The following ZC3H7B variants were observed in gnomAD, a reference collection of about 807,000 sequenced individuals.
The protein encoded by ZC3H7B is zinc finger CCCH-type containing 7B.
Under a neutral mutation model 116.0 loss-of-function variants are expected in ZC3H7B, and 35 were observed. That is an observed-to-expected ratio of 0.30 (90% confidence interval 0.23 to 0.40). The LOEUF is 0.40. ZC3H7B is among the 10% of genes least tolerant of loss of function. The pLI is 1.00. For synonymous variants in ZC3H7B, 502 were observed against 545.6 expected (o/e 0.92, Z 1.11); for missense variants, 1,011 against 1,321.5 (o/e 0.77, Z 3.64).
At chr22:41,311,657 G>A (rs1384181987) in intron 1 of ZC3H7B, among the ~76,000 whole-genome samples, 1 of 152,078 alleles carries the variant, frequency 6.6e-6, no homozygotes, top group African/African-American at 2.4e-5. Flanking sequence ...ACTGGGGAAG[G>A]GGGTGGGCCT....
chr22:41,312,300 CTACAAAAAA>C (rs2036129182), intron 1 of ZC3H7B, among the ~76,000 whole-genome samples: 1 of 151,820 alleles, frequency 6.6e-6, no homozygotes, highest in Non-Finnish European at 1.5e-5. Context: ...TACCCTGTCT[CTACAAAAAA>C]TACAAAAAAT....
chr22:41,325,771 G>T lies in ZC3H7B; in HGVS notation c.138G>T (p.Leu46=), dbSNP rs749052112. ...VQNLFAEGND[L]FREKDYKQAL... is the part of the protein sequence containing the mutation. ...ATCTGTTTGCTGAGGGCAATGATCT[G>T]TTCCGGGAGAAGGACTATAAGCAGG... Residue 46 remains leucine (L), a synonymous_variant, in exon 4 of 23, where the codon CTG becomes CTT. Coordinates refer to ENST00000352645, the MANE Select transcript of ZC3H7B (RefSeq NM_017590.6). 2.5e-5 allele frequency: 40 copies of T among 1,613,882 alleles called. No homozygotes were observed. The highest frequency in any genetic ancestry group is 3.3e-5 in the Non-Finnish European group (39 of 1,180,024).
chr22:41,309,467 C>G (rs1238950396), intron 1 of ZC3H7B, among the ~76,000 whole-genome samples: 3 of 151,934 alleles, frequency 2.0e-5, no homozygotes, highest in African/African-American at 7.3e-5. Flanking sequence ...GTGCCCACCA[C>G]TAGGCCCGGC....
Position 41,309,008 on chromosome 22 carries a change from C to CTTTTTTTTTTTTTTTT in ZC3H7B, c.-7+7242_-7+7257dup, listed in dbSNP as rs57147100. ...GGGCCTTCCCTAAACTCCCAGTCTG[C>CTTTTTTTTTTTTTTTT]TTTTTTTTTTTTTTTTTTTTTGAGA... is the stretch of plus-strand genomic sequence containing the variant. On this transcript the variant is annotated intron_variant, in intron 1 of 22. Coordinates refer to ENST00000352645, the MANE Select transcript of ZC3H7B (RefSeq NM_017590.6). Among the ~76,000 whole-genome samples, 20 of 103,286 alleles carry CTTTTTTTTTTTTTTTT rather than the reference C, an allele frequency of 1.9e-4. 1 individual carries two copies. The highest frequency in any genetic ancestry group is 2.5e-4 in the Non-Finnish European group (13 of 51,568). 67.8% of individuals were successfully genotyped at this position (103,286 alleles called of 152,430 possible). A position where few individuals can be genotyped will look rare whatever the true frequency, so the allele number is the denominator to read the frequency against.
At chr22:41,343,242 G>T (rs1040060905) in intron 12 of ZC3H7B, among the ~76,000 whole-genome samples, 173 bp from the exon 13 acceptor site, 1 of 152,162 alleles carries the variant, frequency 6.6e-6, no homozygotes, top group Non-Finnish European at 1.5e-5. Flanking sequence ...ACAGTCCCCC[G>T]GTCTCCAGGG....
rs761971291 is a variant in ZC3H7B at position 41,355,571 on chromosome 22, C to T, written c.2137C>T (p.Leu713Phe). The change falls in exon 18 of 23, where the codon CTC becomes TTC. Residue 713 changes from leucine (L) to phenylalanine (F), a missense_variant. Around this residue, in one of 5 missense-constraint regions of ZC3H7B, gnomAD observed 406 missense variants for 590.2 expected, o/e 0.69. Transcript: ENST00000352645. ...NGQVVEPDKD[L>F]KYCSAKARHC... is the part of the protein sequence containing the mutation. ...GCAGGTGGTGGAGCCTGACAAGGAC[C>T]TCAAGTACTGTAGTGCCAAGGCCCG... 6.2e-7 allele frequency: 1 copy of T among 1,614,154 alleles called. No homozygotes were observed. The highest frequency in any genetic ancestry group is 2.2e-5 in the East Asian group (1 of 44,890).
chr22:41,347,884 C>A (rs1049641483), intron 14 of ZC3H7B, among the ~76,000 whole-genome samples, 183 bp from the exon 15 acceptor site: 1 of 152,118 alleles, frequency 6.6e-6, no homozygotes, highest in African/African-American at 2.4e-5. Context: ...AAGCCCAGGT[C>A]ACCTGTGAGC....
In ZC3H7B at chr22:41,358,341, C is replaced by G. The variant is rs533149677; in HGVS notation, c.*912C>G. Reference sequence around the variant, plus strand: ...GCCTGGGGGCTGGGGAGGGGAGGCCCAGAGGAGGGCTGGCCATGTGAGCAC... The same window carrying G: ...GCCTGGGGGCTGGGGAGGGGAGGCCGAGAGGAGGGCTGGCCATGTGAGCAC... On this transcript the variant is annotated 3_prime_UTR_variant, in exon 23 of 23. Transcript: ENST00000352645. 1.4e-4 allele frequency: 22 copies of G among 152,442 alleles called. No individual in the cohort carries two copies. Among genetic ancestry groups the G allele is most frequent in the African/African-American group, 4.8e-4 (20 of 41,500 alleles). The allele number at this position is 152,442 out of a possible 1,614,324, so 9.4% of individuals were successfully genotyped here. A position where few individuals can be genotyped will look rare whatever the true frequency, so the allele number is the denominator to read the frequency against.
intron 1 of ZC3H7B, among the ~76,000 whole-genome samples, 183 bp from the exon 2 acceptor site, chr22:41,320,472 G>T (rs1221582490): frequency 2.6e-5 from 4 of 152,016 alleles, no homozygotes; most frequent in African/African-American, 2.4e-5. Context: ...GAGTCCAGGG[G>T]GCCATGGGGG....
chr22:41,349,737 C>T lies in ZC3H7B; in HGVS notation c.1948+436C>T, dbSNP rs778971572. Among the ~76,000 whole-genome samples the T allele has an allele frequency of 2.0e-5, 3 of 152,206 alleles. No individual in the cohort carries two copies. Among genetic ancestry groups the T allele is most frequent in the Non-Finnish European group, 4.4e-5 (3 of 68,036 alleles). On this transcript the variant is annotated intron_variant, in intron 16 of 22. Transcript: ENST00000352645. This position sits in a 1 kb window ranked among gnomAD's most constrained non-coding sequence, Gnocchi z 4.9. ...CGGGGATTGGAAGGTGTTCTCCACT[C>T]ACCCACCAGGGATTTACTGAGCACC... is the stretch of plus-strand genomic sequence containing the variant.
intron 7 of ZC3H7B, chr22:41,333,804 G>A (rs902558961): frequency 6.6e-6 from 1 of 152,220 alleles, no homozygotes; most frequent in Admixed American, 6.5e-5. Context: ...CACAGTCTAG[G>A]ATGGACATTA....
intron 15 of ZC3H7B, among the ~76,000 whole-genome samples, chr22:41,348,633 T>C (rs913138596): frequency 6.6e-6 from 1 of 152,192 alleles, no homozygotes; most frequent in Non-Finnish European, 1.5e-5. Context: ...TGCCATGGTG[T>C]GCATATGGAG....
intron 1 of ZC3H7B, among the ~76,000 whole-genome samples, chr22:41,318,793 C>T (rs973219130): frequency 9.2e-5 from 14 of 152,088 alleles, no homozygotes; most frequent in African/African-American, 2.4e-4. Flanking sequence ...CCTTCCTATT[C>T]ACCACCCTCC....
Position 41,327,998 on chromosome 22 carries a change from G to A in ZC3H7B, c.444+634G>A, listed in dbSNP as rs116052816. ...AAAAATTAGCTGGGCATGATGGCAC[G>A]CACCTGAGATCCCAGCTACTCAGGA... On this transcript the variant is annotated intron_variant, in intron 5 of 22. Coordinates refer to ENST00000352645, the MANE Select transcript of ZC3H7B (RefSeq NM_017590.6). The surrounding 1 kb of genome is among the most constrained non-coding windows in gnomAD (Gnocchi z 4.5). Among the ~76,000 whole-genome samples, 1,757 of 152,138 alleles carry A rather than the reference G, an allele frequency of 0.012. 27 individuals are homozygous for A. The highest frequency in any genetic ancestry group is 0.041 in the African/African-American group (1,706 of 41,496).
intron 1 of ZC3H7B, 122 bp from the exon 2 acceptor site, chr22:41,320,533 G>T: frequency 8.7e-7 from 1 of 1,147,466 alleles, no homozygotes; most frequent in Non-Finnish European, 1.3e-6. Flanking sequence ...CACGCCTCCC[G>T]ACATGGGGAA....
chr22:41,323,967 G>A (rs1164952892), intron 2 of ZC3H7B, among the ~76,000 whole-genome samples: 4 of 152,202 alleles, frequency 2.6e-5, no homozygotes, highest in South Asian at 2.1e-4. Flanking sequence ...CTACTCTGGA[G>A]GCTGAGGCAG....
chr22:41,317,349 G>A (rs2036198064), intron 1 of ZC3H7B, among the ~76,000 whole-genome samples: 1 of 152,028 alleles, frequency 6.6e-6, no homozygotes, highest in African/African-American at 2.4e-5. Context: ...GGTGCAGAGA[G>A]AGAATTCATC....
intron 2 of ZC3H7B, among the ~76,000 whole-genome samples, chr22:41,324,042 C>T (rs2036289406): frequency 6.6e-6 from 1 of 151,796 alleles, no homozygotes. Flanking sequence ...TGCACTCCAG[C>T]CTGGGCGACA....
intron 2 of ZC3H7B, among the ~76,000 whole-genome samples, chr22:41,324,260 T>A (rs1309999300): frequency 6.6e-6 from 1 of 151,926 alleles, no homozygotes; most frequent in Non-Finnish European, 1.5e-5. Flanking sequence ...GGGAGGCAAG[T>A]GAGAGGTGGG....
Sources: gnomAD v4.1 joint callset for allele counts (sites outside exome capture counted in the v4.1 genomes callset) on GRCh38, gnomAD v4.1.1 for gene constraint, gnomAD v4.1.1 regional missense constraint, Gnocchi (gnomAD v3.1) non-coding constraint, MANE v1.5 for transcripts, NCBI Gene and HGNC (gene_info 2026-07-23, HGNC 2026-07-21) for gene names.